RALGPS1: variants seen among roughly 807,000 people sequenced by gnomAD.
The protein encoded by RALGPS1 is ras-specific guanine nucleotide-releasing factor RalGPS1.
RALGPS1 carries 19 observed loss-of-function variants against 78.8 expected under a neutral mutation model. That is an observed-to-expected ratio of 0.24 (90% confidence interval 0.17 to 0.35). RALGPS1 has a LOEUF of 0.35. Ranked by LOEUF, RALGPS1 falls within the 10% of genes least tolerant of loss-of-function variation. The pLI, the probability that RALGPS1 is intolerant of heterozygous loss-of-function variation, is 1.00. For synonymous variants in RALGPS1, 228 were observed against 256.3 expected (o/e 0.89, Z 1.06); for missense variants, 454 against 688.3 (o/e 0.66, Z 3.81).
chr9:127,164,532 G>A (rs1278660563), intron 8 of RALGPS1, among the ~76,000 whole-genome samples: 1 of 114,228 alleles, frequency 8.8e-6, no homozygotes, highest in Non-Finnish European at 1.7e-5. Flanking sequence ...ACCATGCCTG[G>A]CCTTTTTTTT....
In RALGPS1 at chr9:127,124,462, C is replaced by T. The variant is rs137910316; in HGVS notation, c.611-41607C>T. 6.7e-4 allele frequency among the ~76,000 whole-genome samples: 102 copies of T among 152,036 alleles called. 2 individuals carry two copies. Among genetic ancestry groups the T allele is most frequent in the African/African-American group, 2.4e-3 (100 of 41,578 alleles). On this transcript the variant is annotated intron_variant, in intron 8 of 18. Transcript: ENST00000259351. ...GCTGCATCACTGTCAGCTGTAGAGT[C>T]TTCCTGTTGAGGCCCCACACACTGG... is the stretch of plus-strand genomic sequence containing the variant.
chr9:127,012,503 C>G (rs1456702019), intron 4 of RALGPS1, among the ~76,000 whole-genome samples: 1 of 152,194 alleles, frequency 6.6e-6, no homozygotes, highest in African/African-American at 2.4e-5. Context: ...CTGTAGCCCC[C>G]TTGGTCCATT....
intron 14 of RALGPS1, among the ~76,000 whole-genome samples, chr9:127,204,184 T>C (rs2061805482): frequency 6.6e-6 from 1 of 152,132 alleles, no homozygotes; most frequent in African/African-American, 2.4e-5. Context: ...TTTTTTTGTT[T>C]TAGACAGAGT....
chr9:127,160,284 G>A (rs2058946582), intron 8 of RALGPS1, among the ~76,000 whole-genome samples: 1 of 152,206 alleles, frequency 6.6e-6, no homozygotes, highest in Admixed American at 6.5e-5. Flanking sequence ...TCCCTCCTTG[G>A]GGCCGGGTGT....
rs139743255 is a variant in RALGPS1, at chr9:127,028,983, G to A, written c.217-5448G>A. ...CCAGCCCCTCTGCCAGATCCCAGGT[G>A]GGTAGCTTTCATGGAATTCTGTTAC... is the stretch of plus-strand genomic sequence containing the variant. On this transcript the variant is annotated intron_variant, in intron 4 of 18. Transcript: ENST00000259351. Among the ~76,000 whole-genome samples the A allele has an allele frequency of 2.9e-4, 44 of 152,118 alleles. No individual in the cohort carries two copies. In the East Asian group the frequency reaches 6.6e-3, roughly 23 times the overall value.
At chr9:127,002,667 G>C (rs373025225) in intron 4 of RALGPS1, among the ~76,000 whole-genome samples, 3 of 139,890 alleles carry the variant, frequency 2.1e-5, no homozygotes, top group African/African-American at 8.0e-5. Context: ...TCATTGTTCA[G>C]TTCCCACCTA....
At chr9:127,184,275 G>A (rs546318242) in intron 11 of RALGPS1, 15 of 452,608 alleles carry the variant, frequency 3.3e-5, no homozygotes, top group Admixed American at 3.2e-4. Context: ...AGCCGTGATC[G>A]CGCCACCGCG....
Position 127,195,161 on chromosome 9 carries a change from C to A in RALGPS1, c.981C>A (p.Gly327=), listed in dbSNP as rs770367593. The change falls in exon 12 of 19, where the codon GGC becomes GGA. Residue 327 remains glycine, a synonymous_variant. Transcript: ENST00000259351. ...CCTGTCCTGACACATCTGTTGCTGGCAGCCTCCCCACACCTCCAGTCCCCA... is the reference window on the plus strand; with the variant it reads ...CCTGTCCTGACACATCTGTTGCTGGAAGCCTCCCCACACCTCCAGTCCCCA... ...RPTCPDTSVA[G]SLPTPPVPRH... is the part of the protein sequence containing the mutation. 1.9e-6 allele frequency: 3 copies of A among 1,612,912 alleles called. No homozygotes were observed. The highest frequency in any genetic ancestry group is 2.5e-6 in the Non-Finnish European group (3 of 1,179,992).
At chr9:127,069,440 T>A in intron 8 of RALGPS1, 84 bp downstream of exon 8, 1 of 1,528,258 alleles carries the variant, frequency 6.5e-7, no homozygotes, top group South Asian at 1.2e-5. Context: ...ACCTGAAAAA[T>A]TTCCAGGAAG....
chr9:127,202,573 A>G (rs1479454168), intron 14 of RALGPS1, among the ~76,000 whole-genome samples: 1 of 152,146 alleles, frequency 6.6e-6, no homozygotes, highest in Non-Finnish European at 1.5e-5. Context: ...CTCCTCACCC[A>G]TGTCAGCCTT....
intron 3 of RALGPS1, among the ~76,000 whole-genome samples, chr9:126,976,319 A>T (rs891988981): frequency 6.7e-5 from 10 of 150,188 alleles, no homozygotes; most frequent in Admixed American, 5.3e-4. Context: ...ATTCTCACAC[A>T]CACACACACA....
At chr9:126,974,796 C>T (rs1037019596) in intron 3 of RALGPS1, among the ~76,000 whole-genome samples, 2 of 152,140 alleles carry the variant, frequency 1.3e-5, no homozygotes, top group Non-Finnish European at 2.9e-5. Context: ...CTCCTTGTCT[C>T]ATGTTTCTGT....
At chr9:127,186,219 C>T (rs1588434569) in intron 11 of RALGPS1, among the ~76,000 whole-genome samples, 1 of 152,172 alleles carries the variant, frequency 6.6e-6, no homozygotes. Flanking sequence ...TGTCAGTTCT[C>T]ATATGTTCCA....
At chr9:127,156,723 G>C (rs2058724887) in intron 8 of RALGPS1, among the ~76,000 whole-genome samples, 1 of 151,982 alleles carries the variant, frequency 6.6e-6, no homozygotes, top group South Asian at 2.1e-4. Context: ...ATGCAGAAGT[G>C]TGTGGGTTTT....
At chr9:127,058,279 T>A (rs944320964) in intron 7 of RALGPS1, among the ~76,000 whole-genome samples, 1 of 152,158 alleles carries the variant, frequency 6.6e-6, no homozygotes, top group East Asian at 1.9e-4. Flanking sequence ...GGAGTTAGAT[T>A]CTATTCCAAG....
chr9:127,143,315 A>G (rs1311995094), intron 8 of RALGPS1, among the ~76,000 whole-genome samples: 1 of 152,260 alleles, frequency 6.6e-6, no homozygotes, highest in East Asian at 1.9e-4. Context: ...ACCCTGCTCC[A>G]GCAGTGTATG....
At position 127,165,775 on chromosome 9, in the gene RALGPS1, C is replaced by T. The variant is rs575830551; in HGVS notation, c.611-294C>T. The stretch of plus-strand genomic sequence containing the variant: ...CACAAGTATTCATCCCTTTCATGTC[C>T]TGTTATTTTCTAGTTGGGTTACAGG... On this transcript the variant is annotated intron_variant, in intron 8 of 18. Coordinates refer to ENST00000259351, the MANE Select transcript of RALGPS1 (RefSeq NM_014636.3). Among the ~76,000 whole-genome samples, 3 of 152,266 alleles carry T rather than the reference C, an allele frequency of 2.0e-5. No homozygotes were observed. The South Asian group carries it at 6.2e-4, about 32-fold the overall frequency.
intron 8 of RALGPS1, among the ~76,000 whole-genome samples, chr9:127,127,747 AAGATTG>A (rs776876872): frequency 1.3e-5 from 2 of 152,194 alleles, no homozygotes; most frequent in Non-Finnish European, 2.9e-5. Context: ...TACTAACAAA[AAGATTG>A]AGACTTAGCA....
chr9:127,177,802 G>A lies in RALGPS1; in HGVS notation c.910+3020G>A. ...CCCCTGACTGTCCTGGAAGTCAGCT[G>A]GGCAGCTAGGAGCCAGCCCTGGCCC... On this transcript the variant is annotated intron_variant, in intron 11 of 18. Transcript: ENST00000259351. 3 of 1,540,164 alleles carry A rather than the reference G, an allele frequency of 1.9e-6. No individual in the cohort carries two copies. The South Asian group carries it at 3.6e-5, about 18-fold the overall frequency.
Sources: allele counts gnomAD v4.1 joint callset (sites outside exome capture counted in the v4.1 genomes callset), GRCh38; gene constraint gnomAD v4.1.1; transcripts MANE v1.5; gene names NCBI Gene and HGNC (gene_info 2026-07-23, HGNC 2026-07-21).